Variants in DPH6 observed in about 807,000 individuals in gnomAD.
DPH6 encodes diphthine--ammonia ligase.
A neutral mutation model predicts 38.2 loss-of-function variants in DPH6; 33 were observed. The observed-to-expected ratio is 0.86, with a 90% confidence interval of 0.65 to 1.15. DPH6 has a LOEUF of 1.15. Ranked by LOEUF, DPH6 falls within the 50% of genes most tolerant of loss-of-function variation. The pLI, the probability that DPH6 is intolerant of heterozygous loss-of-function variation, is 0.00. For missense variants in DPH6, 325 were observed against 320.0 expected (o/e 1.02, Z -0.12); for synonymous variants, 108 against 103.0 (o/e 1.05, Z -0.30).
At chr15:35,470,948 A>C (rs1052115035) in intron 3 of DPH6, among the ~76,000 whole-genome samples, 2 of 152,220 alleles carry the variant, frequency 1.3e-5, no homozygotes, top group African/African-American at 4.8e-5. Flanking sequence ...AAGAATACAT[A>C]ACTTAAAGTG....
the DPH6 span, among the ~76,000 whole-genome samples, chr15:35,166,259 G>T: frequency 6.6e-6 from 1 of 151,756 alleles, no homozygotes; most frequent in Non-Finnish European, 1.5e-5. Context: ...GAACTAACAG[G>T]CCTTCCTAGG....
intron 3 of DPH6, among the ~76,000 whole-genome samples, chr15:35,300,604 G>C (rs2052048413): frequency 6.6e-6 from 1 of 152,168 alleles, no homozygotes; most frequent in Non-Finnish European, 1.5e-5. Flanking sequence ...GTTTCCTGAC[G>C]TGGGAAAAGA....
intron 3 of DPH6, among the ~76,000 whole-genome samples, chr15:35,365,672 A>T (rs1336907852): frequency 1.3e-5 from 2 of 152,028 alleles, no homozygotes; most frequent in African/African-American, 2.4e-5. Flanking sequence ...CTTCAAAAAC[A>T]CTCTTGCATT....
chr15:35,187,369 T>C, the DPH6 span, among the ~76,000 whole-genome samples: 1 of 152,226 alleles, frequency 6.6e-6, no homozygotes, highest in African/African-American at 2.4e-5. Context: ...GATTCTATTC[T>C]GAATGATTTA....
At chr15:35,397,950 ACTC>A (rs907204224) in intron 6 of DPH6, among the ~76,000 whole-genome samples, 1 of 151,254 alleles carries the variant, frequency 6.6e-6, no homozygotes, top group Non-Finnish European at 1.5e-5. Flanking sequence ...TTCCCAATCA[ACTC>A]CTAGAAAAAA....
chr15:35,199,133 T>G, the DPH6 span, among the ~76,000 whole-genome samples: 1 of 152,172 alleles, frequency 6.6e-6, no homozygotes, highest in Non-Finnish European at 1.5e-5. Context: ...TTGGCTAGGC[T>G]AACTTCTGAC....
At chr15:35,529,763 T>C (rs1337044904) in intron 3 of DPH6, among the ~76,000 whole-genome samples, 5 of 152,160 alleles carry the variant, frequency 3.3e-5, no homozygotes, top group South Asian at 2.1e-4. Flanking sequence ...TTAAGAAAAA[T>C]AGTAGTAGCA....
chr15:35,254,154 T>C (rs1282355233), intron 3 of DPH6, among the ~76,000 whole-genome samples: 1 of 152,220 alleles, frequency 6.6e-6, no homozygotes, highest in Non-Finnish European at 1.5e-5. Context: ...ACTGTGAAGC[T>C]GCAAATGGGA....
At chr15:35,408,148 A>T (rs919666787) in intron 6 of DPH6, among the ~76,000 whole-genome samples, 1 of 151,928 alleles carries the variant, frequency 6.6e-6, no homozygotes, top group African/African-American at 2.4e-5. Context: ...AGCAGACAAG[A>T]TCATGTTAAT....
At chr15:35,534,462 T>C (rs1433798886) in intron 3 of DPH6, among the ~76,000 whole-genome samples, 1 of 151,056 alleles carries the variant, frequency 6.6e-6, no homozygotes, top group African/African-American at 2.4e-5. Flanking sequence ...TTTAAGAGGA[T>C]ATAGGGATGT....
intron 3 of DPH6, among the ~76,000 whole-genome samples, chr15:35,336,709 G>A (rs1384975931): frequency 6.6e-6 from 1 of 152,136 alleles, no homozygotes; most frequent in Non-Finnish European, 1.5e-5. Flanking sequence ...ATAATCATGT[G>A]GCTTTTGTCT....
chr15:35,432,971 G>A (rs8025879), intron 5 of DPH6, among the ~76,000 whole-genome samples: 51,141 of 151,692 alleles, frequency 0.34, 10,183 homozygotes, highest in African/African-American at 0.56. Context: ...CAAGTGACAT[G>A]AAATTTACCC....
At chr15:35,385,739 T>A (rs190889747) in intron 6 of DPH6, among the ~76,000 whole-genome samples, 1 of 152,278 alleles carries the variant, frequency 6.6e-6, no homozygotes, top group East Asian at 1.9e-4. Context: ...ATTCTGCACA[T>A]GTATCCCAGA....
At chr15:35,228,572 C>T (rs2051497786) in intron 3 of DPH6, among the ~76,000 whole-genome samples, 1 of 152,166 alleles carries the variant, frequency 6.6e-6, no homozygotes, top group South Asian at 2.1e-4. Context: ...GGACCACAGA[C>T]ACGTGCCACT....
intron 3 of DPH6, chr15:35,298,150 T>C (rs998532600): frequency 2.5e-6 from 1 of 393,486 alleles, no homozygotes; most frequent in Non-Finnish European, 4.9e-6. Flanking sequence ...AGTCTCAGTA[T>C]GCAACAGTCA....
At chr15:35,227,618 T>C (rs569445536) in intron 3 of DPH6, among the ~76,000 whole-genome samples, 62 of 152,276 alleles carry the variant, frequency 4.1e-4, no homozygotes, top group Non-Finnish European at 8.1e-4. Context: ...ATTTTCTTCA[T>C]TTCAAAATCA....
At position 35,400,562 on chromosome 15, in the gene DPH6, T is replaced by C. The variant is rs553468542; in HGVS notation, c.567+10273A>G. ...AAAACAACATGGAAGGCTGTTTCTGTGTCAAACACTGAAGAACCATTTGAG... is the reference window on the plus strand; with the variant it reads ...AAAACAACATGGAAGGCTGTTTCTGCGTCAAACACTGAAGAACCATTTGAG... On this transcript the variant is annotated intron_variant, in intron 6 of 8. Coordinates refer to ENST00000256538, the MANE Select transcript of DPH6 (RefSeq NM_080650.4). 2.1e-4 allele frequency: 68 copies of C among 321,456 alleles called. No homozygotes were observed. In the Admixed American group the frequency reaches 2.8e-3, roughly 13 times the overall value. 19.9% of individuals were successfully genotyped at this position (321,456 alleles called of 1,614,324 possible).
chr15:35,321,041 G>C (rs2052236327), intron 3 of DPH6, among the ~76,000 whole-genome samples: 1 of 152,154 alleles, frequency 6.6e-6, no homozygotes, highest in Non-Finnish European at 1.5e-5. Flanking sequence ...GGAGCAACTG[G>C]GGAAGTCACA....
At chr15:35,361,905 CT>C (rs1485124898) in intron 3 of DPH6, among the ~76,000 whole-genome samples, 6 of 146,034 alleles carry the variant, frequency 4.1e-5, no homozygotes, top group African/African-American at 1.7e-4. Context: ...ACTTTGAATT[CT>C]TTGTCAAGTA....
Sources: allele counts gnomAD v4.1 joint callset (sites outside exome capture counted in the v4.1 genomes callset), GRCh38; gene constraint gnomAD v4.1.1; transcripts MANE v1.5; gene names NCBI Gene and HGNC (gene_info 2026-07-23, HGNC 2026-07-21).